Variants in KIF3C observed in about 807,000 individuals in gnomAD.
KIF3C encodes the protein kinesin family member 3C, also known as kinesin-like protein KIF3C.
In KIF3C, 12 loss-of-function variants were observed where a neutral mutation model predicts 67.7. The observed-to-expected ratio is 0.18, with a 90% CI of 0.11 to 0.29. The LOEUF is 0.29. Among genes scored for constraint, KIF3C ranks in the 10% least tolerant of loss-of-function variants. The pLI is 1.00. For missense variants in KIF3C, 789 were observed against 1,059.6 expected (o/e 0.74, Z 3.55); for synonymous variants, 393 against 426.2 (o/e 0.92, Z 0.96).
chr2:25,975,040 A>G (rs1314746475), intron 1 of KIF3C, among the ~76,000 whole-genome samples: 1 of 151,492 alleles, frequency 6.6e-6, no homozygotes, highest in Non-Finnish European at 1.5e-5. Context: ...AAAAAAAAAA[A>G]TGAGACCCAA....
chr2:25,965,728 C>T (rs1023834155), intron 1 of KIF3C, among the ~76,000 whole-genome samples: 1 of 151,778 alleles, frequency 6.6e-6, no homozygotes, highest in Non-Finnish European at 1.5e-5. Context: ...AAGCAGAGGA[C>T]ATGAGAATGT....
chr2:25,960,559 C>A (rs1282475353), intron 1 of KIF3C, among the ~76,000 whole-genome samples: 2 of 152,078 alleles, frequency 1.3e-5, no homozygotes, highest in African/African-American at 4.8e-5. Context: ...TCTCAGGGTC[C>A]CTGGACTTAG....
At chr2:25,931,966 T>TCAC (rs2090463502) in intron 5 of KIF3C, among the ~76,000 whole-genome samples, 1 of 147,296 alleles carries the variant, frequency 6.8e-6, no homozygotes, top group Admixed American at 6.9e-5. Flanking sequence ...AGTCTCACTG[T>TCAC]CACCCAGCCT....
chr2:25,953,793 G>T (rs1663721740), intron 4 of KIF3C, among the ~76,000 whole-genome samples: 1 of 151,062 alleles, frequency 6.6e-6, no homozygotes, highest in Admixed American at 6.6e-5. Context: ...TCAGCCTCCT[G>T]AGTAGCTGGG....
chr2:25,956,138 G>A (rs939873379), intron 2 of KIF3C, among the ~76,000 whole-genome samples: 4 of 152,168 alleles, frequency 2.6e-5, no homozygotes, highest in African/African-American at 9.7e-5. Flanking sequence ...GAGCTATCAC[G>A]TCCTCTCGCC....
rs1365614785 is a variant in KIF3C at position 25,958,788 on chromosome 2, C to G, written c.1546-2344G>C. Among the ~76,000 whole-genome samples the G allele has an allele frequency of 6.6e-6, 1 of 152,140 alleles. No individual in the cohort carries two copies. Among genetic ancestry groups the G allele is most frequent in the East Asian group, 1.9e-4 (1 of 5,148 alleles). On this transcript the variant is annotated intron_variant, in intron 1 of 7. Coordinates refer to ENST00000264712, the MANE Select transcript of KIF3C (RefSeq NM_002254.8). The surrounding 1 kb of genome is among the most constrained non-coding windows in gnomAD (Gnocchi z 4.5). ...GCCTCACCAAGAGAATTCCAGCTCC[C>G]TGGGGGCCCGGTGCGGTGGCTAGCG...
At position 25,929,320 on chromosome 2, in the gene KIF3C, C is replaced by T. The variant is rs751824281; in HGVS notation, c.2273G>A (p.Arg758Gln). 13 of 1,613,986 alleles carry T rather than the reference C, an allele frequency of 8.1e-6. No individual in the cohort carries two copies. Among genetic ancestry groups the T allele is most frequent in the Admixed American group, 3.3e-5 (2 of 59,988 alleles). Reference sequence around the variant, plus strand: ...AGGTACTGACCAGGATCTGGACTTTCGGACTTTAGACGTGGAAGGTCTTTC... The same window carrying T: ...AGGTACTGACCAGGATCTGGACTTTTGGACTTTAGACGTGGAAGGTCTTTC... ...FLERPSTSKV[R>Q]KSRSWCQSPQ... The change falls in exon 7 of 8, where the codon CGA becomes CAA. Residue 758 changes from arginine to glutamine, a missense_variant. Coordinates refer to ENST00000264712, the MANE Select transcript of KIF3C (RefSeq NM_002254.8).
intron 5 of KIF3C, among the ~76,000 whole-genome samples, chr2:25,930,285 A>C (rs941561399): frequency 6.6e-6 from 1 of 152,152 alleles, no homozygotes; most frequent in Non-Finnish European, 1.5e-5. Flanking sequence ...TGTGGTCTGA[A>C]AATAGGCAAG....
At chr2:25,967,809 G>A (rs963961814) in intron 1 of KIF3C, among the ~76,000 whole-genome samples, 56 of 152,196 alleles carry the variant, frequency 3.7e-4, no homozygotes, top group Non-Finnish European at 7.5e-4. Flanking sequence ...CTAGGTGACA[G>A]AGTGAGACCC....
At chr2:25,965,075 A>G (rs1332117574) in intron 1 of KIF3C, among the ~76,000 whole-genome samples, 1 of 152,138 alleles carries the variant, frequency 6.6e-6, no homozygotes, top group Non-Finnish European at 1.5e-5. Context: ...CGTCTGTCCA[A>G]TGCCCCTGTG....
In KIF3C at chr2:25,954,321, A is replaced by G. The variant is rs776223033; in HGVS notation, c.1835T>C (p.Val612Ala). Residue 612 changes from valine (V) to alanine (A), a missense_variant, in exon 4 of 8, where the codon GTG becomes GCG. Physicochemically the swap from Val to Ala is moderately conservative, Grantham distance 64. Coordinates refer to ENST00000264712, the MANE Select transcript of KIF3C (RefSeq NM_002254.8). ...IQDQHDEYIR[V>A]RQDLEEAQNE... The stretch of plus-strand genomic sequence containing the variant: ...CTGCGCCTCCTCCAGGTCCTGCCGC[A>G]CGCGGATATACTCATCATGCTGGTC... 2 of 1,614,020 alleles carry G rather than the reference A, an allele frequency of 1.2e-6. No homozygotes were observed. Among genetic ancestry groups the G allele is most frequent in the Admixed American group, 1.7e-5 (1 of 60,002 alleles).
At chr2:25,969,028 T>C (rs1488348534) in intron 1 of KIF3C, among the ~76,000 whole-genome samples, 2 of 152,106 alleles carry the variant, frequency 1.3e-5, no homozygotes, top group African/African-American at 2.4e-5. Context: ...TTCGCCACGT[T>C]GGTCAGGCTG....
chr2:25,971,133 G>A (rs1055007520), intron 1 of KIF3C, among the ~76,000 whole-genome samples: 6 of 152,114 alleles, frequency 3.9e-5, no homozygotes, highest in South Asian at 2.1e-4. Flanking sequence ...TTGGCCTGGC[G>A]TGGTGGCGGG....
intron 1 of KIF3C, among the ~76,000 whole-genome samples, chr2:25,979,450 T>C (rs1574500179): frequency 6.6e-6 from 1 of 152,180 alleles, no homozygotes; most frequent in African/African-American, 2.4e-5. Flanking sequence ...AATTATCAGA[T>C]AGGTAGAGCC....
chr2:25,972,695 G>A (rs745937362), intron 1 of KIF3C, among the ~76,000 whole-genome samples: 1 of 152,196 alleles, frequency 6.6e-6, no homozygotes, highest in Non-Finnish European at 1.5e-5. Context: ...ACTGGAGATA[G>A]CCCTATTTGA....
chr2:25,943,031 T>C (rs1223089562), intron 5 of KIF3C, among the ~76,000 whole-genome samples: 8 of 152,184 alleles, frequency 5.3e-5, no homozygotes, highest in African/African-American at 1.9e-4. Context: ...TGTTTTTTCC[T>C]CTCACTTCGA....
Position 25,962,870 on chromosome 2 carries a change from TAATATATAA to T in KIF3C, c.1546-6435_1546-6427del, listed in dbSNP as rs1372216302. 6.1e-4 allele frequency among the ~76,000 whole-genome samples: 47 copies of T among 76,508 alleles called. 5 individuals are homozygous for T. The highest frequency in any genetic ancestry group is 2.6e-3 in the African/African-American group (44 of 16,608). The allele number at this position is 76,508 out of a possible 152,430, so 50.2% of individuals were successfully genotyped here. A position where few individuals can be genotyped will look rare whatever the true frequency, so the allele number is the denominator to read the frequency against. Reference sequence around the variant, plus strand: ...TATATAATATAATATATAATATATATAATATATAAAATATATATAATATAAAATATATAT... The same window carrying T: ...TATATAATATAATATATAATATATATAATATATATAATATAAAATATATAT... On this transcript the variant is annotated intron_variant, in intron 1 of 7. Transcript: ENST00000264712.
At chr2:25,966,662 G>T (rs563054365) in intron 1 of KIF3C, among the ~76,000 whole-genome samples, 1 of 152,324 alleles carries the variant, frequency 6.6e-6, no homozygotes, top group South Asian at 2.1e-4. Context: ...TGGAAAGCTA[G>T]AATGGAGACA....
chr2:25,935,994 G>A (rs1222004982), intron 5 of KIF3C, among the ~76,000 whole-genome samples: 1 of 151,934 alleles, frequency 6.6e-6, no homozygotes, highest in East Asian at 1.9e-4. Context: ...GGCTGAGACT[G>A]GAGAATCGCT....
Sources: gnomAD v4.1 joint callset for allele counts (sites outside exome capture counted in the v4.1 genomes callset) on GRCh38, gnomAD v4.1.1 for gene constraint, Gnocchi (gnomAD v3.1) non-coding constraint, MANE v1.5 for transcripts, NCBI Gene and HGNC (gene_info 2026-07-23, HGNC 2026-07-21) for gene names.